Variants in LRRC8B observed in about 807,000 individuals in gnomAD.
The protein encoded by LRRC8B is leucine rich repeat containing 8 VRAC subunit B.
A neutral mutation model predicts 58.8 loss-of-function variants in LRRC8B; 23 were observed. That is an observed-to-expected ratio of 0.39 (90% CI 0.28 to 0.55). The LOEUF (loss-of-function observed/expected upper bound fraction) is 0.55. Ranked by LOEUF, LRRC8B falls within the 20% of genes least tolerant of loss-of-function variation. The pLI is 0.62. For synonymous variants in LRRC8B, 359 were observed against 374.1 expected (o/e 0.96, Z 0.47); for missense variants, 694 against 936.0 (o/e 0.74, Z 3.37).
chr1:89,547,185 GA>G, intron 1 of LRRC8B, among the ~76,000 whole-genome samples: 1 of 151,162 alleles, frequency 6.6e-6, no homozygotes, highest in Non-Finnish European at 1.5e-5. Flanking sequence ...TTGGTACTTT[GA>G]AATTGGCCAT....
intron 5 of LRRC8B, among the ~76,000 whole-genome samples, chr1:89,591,855 C>T (rs1413459175): frequency 6.6e-6 from 1 of 152,064 alleles, no homozygotes; most frequent in Admixed American, 6.6e-5. Flanking sequence ...GTAGGTGGCC[C>T]CTGTCCCCAG....
chr1:89,565,009 C>T lies in LRRC8B; in HGVS notation c.-240-3238C>T, dbSNP rs116510181. 5.5e-3 allele frequency among the ~76,000 whole-genome samples: 843 copies of T among 152,210 alleles called. 8 individuals carry two copies. Among genetic ancestry groups the T allele is most frequent in the African/African-American group, 0.018 (750 of 41,512 alleles). On this transcript the variant is annotated intron_variant, in intron 1 of 5. Transcript: ENST00000330947. ...ATTATTTACGGTGATCATTATCAGACGTTATTGGTTTTATGAGACTAAAGC... is the reference window on the plus strand; with the variant it reads ...ATTATTTACGGTGATCATTATCAGATGTTATTGGTTTTATGAGACTAAAGC...
rs1654337378 is a variant in LRRC8B, at chr1:89,582,879, A to C, written c.229A>C (p.Met77Leu). 5 of 1,614,212 alleles carry C rather than the reference A, an allele frequency of 3.1e-6. No individual in the cohort carries two copies. Among genetic ancestry groups the C allele is most frequent in the Non-Finnish European group, 4.2e-6 (5 of 1,180,036 alleles). Residue 77 changes from methionine to leucine, a missense_variant, in exon 5 of 6, where the codon ATG (methionine) becomes CTG (leucine). By Grantham distance (15) the Met-to-Leu change is conservative. This residue lies in a region of LRRC8B where 316 missense variants were observed against 403.8 expected (regional missense o/e 0.78). Transcript: ENST00000330947. ...AVPWDILKASMNTSSNPGTPL... is the reference protein window; with the variant it reads ...AVPWDILKASLNTSSNPGTPL... ...GCCTTGGGACATCCTGAAAGCCAGCATGAACACATCCTCTAATCCTGGGAC... is the reference window on the plus strand; with the variant it reads ...GCCTTGGGACATCCTGAAAGCCAGCCTGAACACATCCTCTAATCCTGGGAC...
chr1:89,553,105 A>G (rs1651938039), intron 1 of LRRC8B, among the ~76,000 whole-genome samples: 1 of 152,204 alleles, frequency 6.6e-6, no homozygotes, highest in African/African-American at 2.4e-5. Flanking sequence ...TTTTTGTTTG[A>G]TTTAGACTTA....
chr1:89,590,564 C>G (rs1023871661), intron 5 of LRRC8B, among the ~76,000 whole-genome samples: 2 of 152,242 alleles, frequency 1.3e-5, no homozygotes, highest in Non-Finnish European at 2.9e-5. Context: ...GGAAATCCCT[C>G]TCTTCTAGTG....
At chr1:89,590,514 T>C (rs1315398420) in intron 5 of LRRC8B, among the ~76,000 whole-genome samples, 1 of 152,204 alleles carries the variant, frequency 6.6e-6, no homozygotes, top group Non-Finnish European at 1.5e-5. Flanking sequence ...ACAGCAGCAA[T>C]GCTAAGGGGC....
rs766534100 is a variant in LRRC8B at position 89,583,302 on chromosome 1, A to T, written c.652A>T (p.Ile218Leu). The part of the protein sequence containing the change: ...YPQPGLESAG[I>L]ESPTSSVLDK... ...ACAGCCAGGTTTGGAGTCAGCTGGC[A>T]TAGAAAGCCCAACTTCCAGTGTCCT... is the stretch of plus-strand genomic sequence containing the variant. The change falls in exon 5 of 6, where the codon ATA becomes TTA. Residue 218 changes from isoleucine (I) to leucine (L), a missense_variant. Around this residue, in one of 5 missense-constraint regions of LRRC8B, gnomAD observed 316 missense variants for 403.8 expected, o/e 0.78. Coordinates refer to ENST00000330947, the MANE Select transcript of LRRC8B (RefSeq NM_001369817.2). The surrounding 1 kb of genome is among the most constrained non-coding windows in gnomAD (Gnocchi z 5.2). 1.2e-5 allele frequency: 19 copies of T among 1,614,112 alleles called. No homozygotes were observed. Among genetic ancestry groups the T allele is most frequent in the Non-Finnish European group, 1.7e-6 (2 of 1,180,046 alleles).
chr1:89,570,649 C>T (rs1032576512), intron 3 of LRRC8B, among the ~76,000 whole-genome samples: 4 of 152,106 alleles, frequency 2.6e-5, no homozygotes, highest in South Asian at 2.1e-4. Flanking sequence ...AAATTTTTTT[C>T]GCATTCTGTA....
intron 1 of LRRC8B, among the ~76,000 whole-genome samples, chr1:89,536,198 G>T (rs185959339): frequency 7.9e-5 from 12 of 152,290 alleles, no homozygotes; most frequent in Admixed American, 4.6e-4. Flanking sequence ...CTGATGACCT[G>T]CAGTAGAGGG....
intron 1 of LRRC8B, among the ~76,000 whole-genome samples, chr1:89,546,514 C>T (rs1293396659): frequency 3.9e-5 from 6 of 152,198 alleles, no homozygotes; most frequent in Admixed American, 2.0e-4. Flanking sequence ...CAGAACACTC[C>T]ATCAGCTCAT....
intron 1 of LRRC8B, among the ~76,000 whole-genome samples, chr1:89,567,844 A>G (rs1653151673): frequency 6.6e-6 from 1 of 152,156 alleles, no homozygotes; most frequent in Non-Finnish European, 1.5e-5. Context: ...ACTAGGACAT[A>G]TCCATGTGTG....
intron 1 of LRRC8B, among the ~76,000 whole-genome samples, chr1:89,541,855 A>G (rs1032713943): frequency 3.3e-5 from 5 of 151,634 alleles, no homozygotes; most frequent in African/African-American, 1.2e-4. Flanking sequence ...ACTCTACCAC[A>G]TGCCTGAAGT....
At position 89,596,086 on chromosome 1, in the gene LRRC8B, A is replaced by C. The variant is rs1018262575; in HGVS notation, c.*3043A>C. 6.6e-6 allele frequency: 1 copy of C among 152,032 alleles called. No individual in the cohort carries two copies. Among genetic ancestry groups the C allele is most frequent in the African/African-American group, 2.4e-5 (1 of 41,410 alleles). 9.4% of individuals were successfully genotyped at this position (152,032 alleles called of 1,614,324 possible). A position where few individuals can be genotyped will look rare whatever the true frequency, so the allele number is the denominator to read the frequency against. On this transcript the variant is annotated 3_prime_UTR_variant, in exon 6 of 6. Coordinates refer to ENST00000330947, the MANE Select transcript of LRRC8B (RefSeq NM_001369817.2). ...TTTTTTCAAAATTGCAGGAGGTTGT[A>C]GATTAAATTAAGTATGATAGCACGT...
intron 1 of LRRC8B, among the ~76,000 whole-genome samples, chr1:89,539,566 A>G (rs1410714220): frequency 6.6e-6 from 1 of 152,218 alleles, no homozygotes; most frequent in African/African-American, 2.4e-5. Context: ...AGGTGAAGAA[A>G]GACTAATGGG....
chr1:89,529,475 A>G (rs1570545708), intron 1 of LRRC8B, among the ~76,000 whole-genome samples: 1 of 144,118 alleles, frequency 6.9e-6, no homozygotes, highest in Non-Finnish European at 1.6e-5. Flanking sequence ...GTATGCAACC[A>G]TAGTCTCTCT....
intron 3 of LRRC8B, 98 bp from the exon 4 acceptor site, chr1:89,579,493 G>C (rs1425161813): frequency 6.6e-6 from 1 of 152,644 alleles, no homozygotes; most frequent in Non-Finnish European, 1.5e-5. Flanking sequence ...TATTTGCCAT[G>C]TCATGTCTTA....
rs1654484597 is a variant in LRRC8B, at chr1:89,584,529, A to G, written c.1879A>G (p.Ile627Val). ...TAACCTTAAAACTGTGGAAGAGATC[A>G]TTAGCTTTCAGCATCTTCAGAATCT... ...ENNLKTVEEI[I>V]SFQHLQNLSC... Residue 627 changes from isoleucine (I) to valine (V), a missense_variant, in exon 5 of 6, where the codon ATT (isoleucine) becomes GTT (valine). This residue lies in a region of LRRC8B where 53 missense variants were observed against 112.3 expected (regional missense o/e 0.47). Coordinates refer to ENST00000330947, the MANE Select transcript of LRRC8B (RefSeq NM_001369817.2). The G allele has an allele frequency of 6.2e-7, 1 of 1,614,126 alleles. No homozygotes were observed. The highest frequency in any genetic ancestry group is 1.3e-5 in the African/African-American group (1 of 74,952).
At chr1:89,541,561 A>G (rs1195415718) in intron 1 of LRRC8B, among the ~76,000 whole-genome samples, 1 of 150,324 alleles carries the variant, frequency 6.7e-6, no homozygotes, top group African/African-American at 2.5e-5. Context: ...AATACAAAAC[A>G]TTAGCCGGGC....
At chr1:89,540,204 C>G (rs561298991) in intron 1 of LRRC8B, among the ~76,000 whole-genome samples, 1 of 151,984 alleles carries the variant, frequency 6.6e-6, no homozygotes, top group East Asian at 1.9e-4. Flanking sequence ...GTTTAGGGAC[C>G]TGTATAGTTT....
Sources: allele counts gnomAD v4.1 joint callset (sites outside exome capture counted in the v4.1 genomes callset), GRCh38; gene constraint gnomAD v4.1.1; regional missense constraint gnomAD v4.1.1; non-coding constraint Gnocchi (gnomAD v3.1); transcripts MANE v1.5; gene names NCBI Gene and HGNC (gene_info 2026-07-23, HGNC 2026-07-21).